Variants in STOX2 observed in about 807,000 individuals in gnomAD.
STOX2 encodes storkhead box 2.
Under a neutral mutation model 60.9 loss-of-function variants are expected in STOX2, and 28 were observed. That is an observed-to-expected ratio of 0.46 (90% confidence interval 0.34 to 0.63). STOX2 has a LOEUF of 0.63. Ranked by LOEUF, STOX2 falls within the 30% of genes least tolerant of loss-of-function variation. The pLI, the probability that STOX2 is intolerant of heterozygous loss-of-function variation, is 0.01. For synonymous variants in STOX2, 472 were observed against 463.9 expected (o/e 1.02, Z -0.22); for missense variants, 1,024 against 1,187.7 (o/e 0.86, Z 2.03).
Position 184,017,449 on chromosome 4 carries a change from A to T in STOX2, c.*165A>T, listed in dbSNP as rs1338583230. 6 of 600,518 alleles carry T rather than the reference A, an allele frequency of 1.0e-5. No individual in the cohort carries two copies. The highest frequency in any genetic ancestry group is 1.7e-5 in the Non-Finnish European group (6 of 351,068). 37.2% of individuals were successfully genotyped at this position (600,518 alleles called of 1,614,324 possible). On this transcript the variant is annotated 3_prime_UTR_variant, in exon 4 of 4. Coordinates refer to ENST00000308497, the MANE Select transcript of STOX2 (RefSeq NM_020225.3). ...TAGGGCAAAAAAACAAAAAATCTTT[A>T]TTTCAGAGTATTGCTTTTCACATTT...
intron 1 of STOX2, among the ~76,000 whole-genome samples, chr4:183,817,819 T>C (rs529064238): frequency 6.6e-6 from 1 of 152,304 alleles, no homozygotes; most frequent in East Asian, 1.9e-4. Context: ...AGGAATTTGA[T>C]TCAGGTGCCA....
At chr4:183,848,916 T>G (rs375295362) in intron 1 of STOX2, among the ~76,000 whole-genome samples, 9 of 152,350 alleles carry the variant, frequency 5.9e-5, no homozygotes, top group Non-Finnish European at 1.3e-4. Context: ...AGAATTCTGC[T>G]GAGTGCCTGG....
At chr4:184,014,109 CCAAAAAAA>C (rs1203566496) in intron 3 of STOX2, 13 of 48,204 alleles carry the variant, frequency 2.7e-4, no homozygotes, top group African/African-American at 8.0e-4. Flanking sequence ...TAAGCCCCAA[CCAAAAAAA>C]AAAAAAAAAA....
At position 183,894,552 on chromosome 4, in the gene STOX2, C is replaced by T. The variant is rs543304000; in HGVS notation, c.364+96497C>T. ...TGTCTGGGATTTAAATATATGGGAC[C>T]TTTTTTTTTTTAACAGTTATTGAAA... On this transcript the variant is annotated intron_variant, in intron 1 of 2. Coordinates refer to the STOX2 transcript ENST00000513034. Among the ~76,000 whole-genome samples, 36 of 145,816 alleles carry T rather than the reference C, an allele frequency of 2.5e-4. No individual in the cohort carries two copies. In the South Asian group the frequency reaches 7.4e-3, roughly 30 times the overall value.
In STOX2 at chr4:184,001,485, G is replaced by A. The variant is rs750668444; in HGVS notation, c.319+8G>A. The A allele has an allele frequency of 3.1e-6, 5 of 1,613,310 alleles. No homozygotes were observed. In the East Asian group the frequency reaches 1.1e-4, roughly 36 times the overall value. ...TGACCACGTGCTTCCCAGGTAACGA[G>A]GCGGGAACGTAGCACTTTCCAGGTG... On this transcript the variant is annotated splice_region_variant and intron_variant, in intron 2 of 3. Coordinates refer to ENST00000308497, the MANE Select transcript of STOX2 (RefSeq NM_020225.3). The surrounding 1 kb of genome is among the most constrained non-coding windows in gnomAD (Gnocchi z 4.2).
rs186377715 is a variant in STOX2 at position 183,870,695 on chromosome 4, A to G, written c.364+72640A>G. 3.9e-5 allele frequency among the ~76,000 whole-genome samples: 6 copies of G among 152,328 alleles called. No individual in the cohort carries two copies. In the East Asian group the frequency reaches 7.7e-4, roughly 20 times the overall value. ...AAAACATGTTCTTTGGGTGATTTTCATAGCTGCTTTGTCTTTATATGGTCT... is the reference window on the plus strand; with the variant it reads ...AAAACATGTTCTTTGGGTGATTTTCGTAGCTGCTTTGTCTTTATATGGTCT... On this transcript the variant is annotated intron_variant, in intron 1 of 2. Transcript: ENST00000513034.
chr4:183,828,681 T>G (rs1240731148), intron 1 of STOX2, among the ~76,000 whole-genome samples: 1 of 152,250 alleles, frequency 6.6e-6, no homozygotes, highest in East Asian at 1.9e-4. Flanking sequence ...CTCTTGGTAC[T>G]GAAAATGTCT....
intron 1 of STOX2, among the ~76,000 whole-genome samples, chr4:183,812,319 AT>A (rs1330319044): frequency 7.0e-6 from 1 of 142,958 alleles, no homozygotes; most frequent in Non-Finnish European, 1.5e-5. Context: ...TTTGCATGTA[AT>A]TTGAATAAAC....
At chr4:183,874,417 C>A (rs1365252760) in intron 1 of STOX2, among the ~76,000 whole-genome samples, 1 of 152,068 alleles carries the variant, frequency 6.6e-6, no homozygotes, top group Admixed American at 6.5e-5. Context: ...GGAGGACAGT[C>A]CTTAGGTTTA....
upstream of STOX2, among the ~76,000 whole-genome samples, chr4:183,903,026 C>T (rs889594017): frequency 2.0e-5 from 3 of 152,166 alleles, no homozygotes; most frequent in Non-Finnish European, 4.4e-5. Flanking sequence ...TAATCAAGTG[C>T]GATTCAAACT....
chr4:183,944,453 C>T (rs4861587), intron 1 of STOX2, among the ~76,000 whole-genome samples: 12 of 152,134 alleles, frequency 7.9e-5, no homozygotes, highest in Non-Finnish European at 1.2e-4. Context: ...TGGTGGCTCA[C>T]GCCTGTAATC....
chr4:183,999,050 GCAAA>G (rs1733469693), intron 1 of STOX2, among the ~76,000 whole-genome samples: 1 of 151,696 alleles, frequency 6.6e-6, no homozygotes, highest in African/African-American at 2.4e-5. Flanking sequence ...TCTCAAAAAA[GCAAA>G]CAAACAAAAA....
At chr4:183,940,104 T>C (rs1742712758) in intron 1 of STOX2, among the ~76,000 whole-genome samples, 1 of 152,200 alleles carries the variant, frequency 6.6e-6, no homozygotes, top group South Asian at 2.1e-4. Context: ...GGTTTCGCCA[T>C]GCTGGACAGG....
intron 1 of STOX2, among the ~76,000 whole-genome samples, chr4:183,913,753 A>G (rs2111090982): frequency 6.6e-6 from 1 of 152,194 alleles, no homozygotes; most frequent in Non-Finnish European, 1.5e-5. Context: ...CCTGGGTGAC[A>G]GAGCCAGACT....
intron 1 of STOX2, among the ~76,000 whole-genome samples, chr4:183,908,365 A>G (rs995121368): frequency 2.6e-5 from 4 of 152,224 alleles, no homozygotes; most frequent in Non-Finnish European, 5.9e-5. Context: ...CTCAAAACAC[A>G]TATGTACATA....
chr4:183,926,674 A>C (rs1742250452), intron 1 of STOX2, among the ~76,000 whole-genome samples: 1 of 150,896 alleles, frequency 6.6e-6, no homozygotes. Context: ...CCCAGGCTGG[A>C]GTGTAGTGGC....
At chr4:183,864,127 A>T (rs910600659) in intron 1 of STOX2, among the ~76,000 whole-genome samples, 1 of 152,146 alleles carries the variant, frequency 6.6e-6, no homozygotes, top group South Asian at 2.1e-4. Context: ...CAGAAAAAAA[A>T]GTTTTGAAAT....
At chr4:183,925,719 A>C (rs1742224219) in intron 1 of STOX2, among the ~76,000 whole-genome samples, 1 of 152,202 alleles carries the variant, frequency 6.6e-6, no homozygotes. Context: ...TGGGAGGAAG[A>C]CCTGTCTAAA....
chr4:183,910,720 G>A (rs1490130909), intron 1 of STOX2, among the ~76,000 whole-genome samples: 2 of 152,148 alleles, frequency 1.3e-5, no homozygotes, highest in Non-Finnish European at 1.5e-5. Context: ...ACATCTTTAA[G>A]GAGTAAAGCG....
Sources: allele counts gnomAD v4.1 joint callset (sites outside exome capture counted in the v4.1 genomes callset), GRCh38; gene constraint gnomAD v4.1.1; non-coding constraint Gnocchi (gnomAD v3.1); transcripts MANE v1.5; gene names NCBI Gene and HGNC (gene_info 2026-07-23, HGNC 2026-07-21).